The following TUBA1C variants were observed in gnomAD, a reference collection of about 807,000 sequenced individuals.
TUBA1C encodes tubulin alpha-1C chain.
Under a neutral mutation model 34.9 loss-of-function variants are expected in TUBA1C, and 16 were observed. The ratio of observed to expected loss-of-function variants is 0.46; its 90% CI spans 0.31 to 0.70. TUBA1C has a LOEUF of 0.70. Ranked by LOEUF, TUBA1C falls within the 30% of genes least tolerant of loss-of-function variation. The probability of loss-of-function intolerance (pLI) is 0.05; values close to 1 mark genes in which losing one functional copy is unlikely to be tolerated. For missense variants in TUBA1C, 329 were observed against 587.3 expected (o/e 0.56, Z 4.55); for synonymous variants, 177 against 215.9 (o/e 0.82, Z 1.58).
At chr12:49,263,023 CTT>C (rs758187649), upstream of TUBA1C, among the ~76,000 whole-genome samples, 21 of 117,104 alleles carry the variant, frequency 1.8e-4, no homozygotes, top group African/African-American at 5.0e-4. Flanking sequence ...GAGAATTACT[CTT>C]TTTTTTTTTT....
At chr12:49,249,892 C>T (rs554992373) in intron 1 of TUBA1C, among the ~76,000 whole-genome samples, 26 of 151,512 alleles carry the variant, frequency 1.7e-4, no homozygotes, top group African/African-American at 5.8e-4. Flanking sequence ...TAAGATTAGC[C>T]AAGCGAAAAA....
Position 49,272,707 on chromosome 12 carries a change from C to T in TUBA1C, c.830C>T (p.Ser277Phe). ...FPLATYAPVI[S>F]AEKAYHEQLT... The stretch of plus-strand genomic sequence containing the variant: ...CTGGCCACATATGCCCCTGTCATCT[C>T]TGCTGAGAAAGCCTACCACGAACAG... The change falls in exon 4 of 4, where the codon TCT (serine) becomes TTT (phenylalanine). Residue 277 changes from serine (S) to phenylalanine (F), a missense_variant. Physicochemically the swap from Ser to Phe is radical, Grantham distance 155 (BLOSUM62 -2). Transcript: ENST00000301072. 2 of 1,612,780 alleles carry T rather than the reference C, an allele frequency of 1.2e-6. No individual in the cohort carries two copies. Among genetic ancestry groups the T allele is most frequent in the Non-Finnish European group, 1.7e-6 (2 of 1,179,938 alleles).
intron 1 of TUBA1C, among the ~76,000 whole-genome samples, chr12:49,259,071 T>A (rs779344375): frequency 5.6e-4 from 85 of 151,780 alleles, no homozygotes; most frequent in East Asian, 2.0e-3. Context: ...AAATGAAAAA[T>A]TTTTTTAAAT....
chr12:49,265,911 T>TTGGGAGGCTGAG, intron 1 of TUBA1C, among the ~76,000 whole-genome samples: 9 of 148,938 alleles, frequency 6.0e-5, no homozygotes, highest in East Asian at 4.0e-4. Flanking sequence ...TCCCAGCACT[T>TTGGGAGGCTGAG]GTTCGAGACA....
At chr12:49,266,261 TAA>T (rs35928737) in intron 1 of TUBA1C, among the ~76,000 whole-genome samples, 3,897 of 79,418 alleles carry the variant, frequency 0.049, 75 homozygotes, top group African/African-American at 0.09. Flanking sequence ...CCGTCTCTAC[TAA>T]AAAAAAAAAA....
intron 1 of TUBA1C, among the ~76,000 whole-genome samples, chr12:49,254,225 C>T (rs749191387): frequency 1.3e-5 from 2 of 151,914 alleles, no homozygotes; most frequent in African/African-American, 2.4e-5. Flanking sequence ...GCAGGAGAAT[C>T]GCTTGAACCC....
intron 1 of TUBA1C, chr12:49,233,057 A>C (rs1942513457): frequency 6.6e-6 from 1 of 152,250 alleles, no homozygotes; most frequent in Non-Finnish European, 1.5e-5. Flanking sequence ...GGGAGAACAA[A>C]GAAAAAGTGG....
upstream of TUBA1C, among the ~76,000 whole-genome samples, chr12:49,263,308 G>A (rs1249009707): frequency 1.3e-5 from 2 of 152,088 alleles, no homozygotes; most frequent in Admixed American, 1.3e-4. Flanking sequence ...GAGCCACTGC[G>A]CCAGGCCTGT....
At chr12:49,260,169 A>C (rs1054420214), upstream of TUBA1C, among the ~76,000 whole-genome samples, 2 of 152,142 alleles carry the variant, frequency 1.3e-5, no homozygotes, top group African/African-American at 4.8e-5. Context: ...CTCCAAGAGA[A>C]TTTTATCTGT....
intron 3 of TUBA1C, among the ~76,000 whole-genome samples, chr12:49,270,944 A>C (rs187171568): frequency 2.2e-3 from 339 of 152,264 alleles, no homozygotes; most frequent in African/African-American, 7.4e-3. Flanking sequence ...GTGCCACTGC[A>C]CTCCAGCCTG....
chr12:49,263,023 C>CTTTTT (rs758187649), upstream of TUBA1C, among the ~76,000 whole-genome samples: 5 of 117,110 alleles, frequency 4.3e-5, no homozygotes, highest in African/African-American at 1.0e-4. Context: ...GAGAATTACT[C>CTTTTT]TTTTTTTTTT....
At position 49,234,346 on chromosome 12, in the gene TUBA1C, C is replaced by G. The variant is rs1202925106; in HGVS notation, c.213+6180C>G. ...AGCATTGTCTTAAATAACAAGGACA[C>G]CCTAAAAATCAAGTCCACCCTGTTT... On this transcript the variant is annotated intron_variant, in intron 1 of 3. Transcript: ENST00000541364. 3.3e-5 allele frequency among the ~76,000 whole-genome samples: 5 copies of G among 152,340 alleles called. No individual in the cohort carries two copies. In the South Asian group the frequency reaches 6.2e-4, roughly 19 times the overall value.
chr12:49,267,278 T>A (rs745960510), intron 1 of TUBA1C, among the ~76,000 whole-genome samples: 15 of 152,268 alleles, frequency 9.9e-5, no homozygotes, highest in Non-Finnish European at 1.5e-4. Flanking sequence ...TCAGATACTT[T>A]ATCTCCTTGG....
chr12:49,265,037 C>G (rs777668122), upstream of TUBA1C: 12 of 1,189,428 alleles, frequency 1.0e-5, no homozygotes, highest in African/African-American at 1.6e-5. Flanking sequence ...CGACACGTGG[C>G]CGGGGACCGG....
rs546438212 is a variant in TUBA1C, at chr12:49,233,566, G to A, written c.213+5400G>A. Reference sequence around the variant, plus strand: ...TGGGTTCCCAATTACCGTGTTTCTGGTGCTACCAGACAAAAGAGAAGGCCC... The same window carrying A: ...TGGGTTCCCAATTACCGTGTTTCTGATGCTACCAGACAAAAGAGAAGGCCC... On this transcript the variant is annotated intron_variant, in intron 1 of 3. Coordinates refer to the TUBA1C transcript ENST00000541364. The A allele has an allele frequency of 1.3e-5, 2 of 152,258 alleles. 1 individual carries two copies. The highest frequency in any genetic ancestry group is 4.1e-4 in the South Asian group (2 of 4,826). 9.4% of individuals were successfully genotyped at this position (152,258 alleles called of 1,614,324 possible).
chr12:49,254,101 C>T (rs1024201539), intron 1 of TUBA1C, among the ~76,000 whole-genome samples: 3 of 151,950 alleles, frequency 2.0e-5, no homozygotes, highest in South Asian at 2.1e-4. Context: ...CACCTGAGGT[C>T]GGGATTTCGA....
At position 49,273,264 on chromosome 12, in the gene TUBA1C, ACTGT is replaced by A. The variant is rs759437894; in HGVS notation, c.*40_*43del. 2 of 1,614,018 alleles carry A rather than the reference ACTGT, an allele frequency of 1.2e-6. No individual in the cohort carries two copies. The highest frequency in any genetic ancestry group is 1.1e-5 in the South Asian group (1 of 91,062). On this transcript the variant is annotated 3_prime_UTR_variant, in exon 4 of 4. Coordinates refer to ENST00000301072, the MANE Select transcript of TUBA1C (RefSeq NM_032704.5). ...TACTTTTACACTCCTTTGTCTTGGA[ACTGT>A]CTTATTTTTGTTCTGTAAATGTCTA...
chr12:49,272,080 T>G (rs1464689464), intron 3 of TUBA1C, among the ~76,000 whole-genome samples, 173 bp from the exon 4 acceptor site: 1 of 151,850 alleles, frequency 6.6e-6, no homozygotes, highest in African/African-American at 2.4e-5. Flanking sequence ...TCCTCCCACC[T>G]TGGACCCCCA....
At chr12:49,256,042 C>T (rs1239770408) in intron 1 of TUBA1C, among the ~76,000 whole-genome samples, 1 of 152,216 alleles carries the variant, frequency 6.6e-6, no homozygotes, top group Non-Finnish European at 1.5e-5. Context: ...GACGTTGAGG[C>T]TGCAGTGAGC....
Sources: allele counts gnomAD v4.1 joint callset (sites outside exome capture counted in the v4.1 genomes callset), GRCh38; gene constraint gnomAD v4.1.1; transcripts MANE v1.5; gene names NCBI Gene and HGNC (gene_info 2026-07-23, HGNC 2026-07-21).